TMOD3: variants seen among roughly 807,000 people sequenced by gnomAD.
TMOD3 encodes the protein tropomodulin-3.
In TMOD3, 20 loss-of-function variants were observed where a neutral mutation model predicts 39.2. The ratio of observed to expected loss-of-function variants is 0.51; its 90% CI spans 0.36 to 0.74. The LOEUF (loss-of-function observed/expected upper bound fraction) is 0.74. Ranked by LOEUF, TMOD3 falls within the 30% of genes least tolerant of loss-of-function variation. TMOD3 has a pLI of 0.00. For synonymous variants in TMOD3, 143 were observed against 145.8 expected, an observed-to-expected ratio of 0.98 and a Z score of 0.14; for missense variants, 381 against 412.8, an observed-to-expected ratio of 0.92 and a Z score of 0.67.
intron 3 of TMOD3, 30 bp from the exon 4 acceptor site, chr15:51,887,559 A>G (rs1022687808): frequency 1.2e-5 from 19 of 1,605,350 alleles, no homozygotes; most frequent in Non-Finnish European, 1.6e-5. Context: ...AGCAGTAGTA[A>G]TGGAATTAAC....
Position 51,893,858 on chromosome 15 carries a change from A to G in TMOD3, c.540A>G (p.Pro180=). The change falls in exon 6 of 10, where the codon CCA becomes CCG. Residue 180 remains proline, a synonymous_variant. Coordinates refer to ENST00000308580, the MANE Select transcript of TMOD3 (RefSeq NM_014547.5). ...GEKILPVFDE[P]PNPTNVEESL... ...AGATTCTTCCGGTATTTGATGAGCC[A>G]CCAAATCCAACCAATGTAGAAGAGA... The G allele has an allele frequency of 1.9e-6, 3 of 1,610,080 alleles. No individual in the cohort carries two copies. Among genetic ancestry groups the G allele is most frequent in the Non-Finnish European group, 2.5e-6 (3 of 1,177,514 alleles).
chr15:51,885,020 T>A (rs1214159795), intron 3 of TMOD3, among the ~76,000 whole-genome samples: 1 of 152,222 alleles, frequency 6.6e-6, no homozygotes, highest in East Asian at 1.9e-4. Flanking sequence ...TACACTTTAA[T>A]TAGATCCCCT....
intron 3 of TMOD3, among the ~76,000 whole-genome samples, chr15:51,883,196 A>C (rs1422626114): frequency 1.3e-5 from 2 of 152,324 alleles, no homozygotes; most frequent in East Asian, 3.9e-4. Context: ...GAAATCAAGC[A>C]AAATTCTATA....
chr15:51,861,325 C>G (rs1250017280), intron 1 of TMOD3: 2 of 247,920 alleles, frequency 8.1e-6, no homozygotes, highest in African/African-American at 4.5e-5. Flanking sequence ...ATGGGAGCTT[C>G]TCAACCGCGA....
At chr15:51,903,661 T>G (rs1250375188) in intron 9 of TMOD3, among the ~76,000 whole-genome samples, 3 of 152,230 alleles carry the variant, frequency 2.0e-5, no homozygotes, top group African/African-American at 7.2e-5. Context: ...GTCATGCTAA[T>G]TGTTTTAGTA....
intron 1 of TMOD3, chr15:51,860,990 C>A: frequency 1.7e-6 from 1 of 582,696 alleles, no homozygotes; most frequent in East Asian, 4.4e-5. Context: ...CGTCTTTCCT[C>A]TTTGCTGAGG....
intron 1 of TMOD3, chr15:51,860,367 A>G (rs2056411199): frequency 1.8e-6 from 1 of 543,094 alleles, no homozygotes; most frequent in Admixed American, 1.9e-5. Context: ...AGGATTCTCC[A>G]CATCCATGTT....
intron 2 of TMOD3, among the ~76,000 whole-genome samples, chr15:51,866,380 C>G (rs569372847): frequency 6.6e-6 from 1 of 152,038 alleles, no homozygotes; most frequent in Non-Finnish European, 1.5e-5. Flanking sequence ...ATTGCTTAAG[C>G]CCAGGAGTTC....
chr15:51,881,096 C>T (rs137987873), intron 3 of TMOD3, among the ~76,000 whole-genome samples: 7 of 152,100 alleles, frequency 4.6e-5, no homozygotes, highest in Non-Finnish European at 5.9e-5. Context: ...TTGTTAGACT[C>T]GTGTATATTT....
At chr15:51,908,612 G>GTT (rs543529390) in intron 9 of TMOD3, among the ~76,000 whole-genome samples, 164 bp from the exon 10 acceptor site, 19 of 120,858 alleles carry the variant, frequency 1.6e-4, no homozygotes, top group African/African-American at 1.8e-4. Context: ...GAAGTAGGTT[G>GTT]TTTTTTTTTT....
chr15:51,866,022 T>C (rs2056443879), intron 2 of TMOD3, among the ~76,000 whole-genome samples: 1 of 152,186 alleles, frequency 6.6e-6, no homozygotes, highest in Non-Finnish European at 1.5e-5. Context: ...TCATTTTTAG[T>C]GACAATCATA....
At chr15:51,842,976 A>T (rs1036049606) in intron 1 of TMOD3, among the ~76,000 whole-genome samples, 3 of 152,218 alleles carry the variant, frequency 2.0e-5, no homozygotes, top group Non-Finnish European at 2.9e-5. Flanking sequence ...GAAGGTGCAT[A>T]TAAATGCCTT....
At chr15:51,880,653 T>C (rs1277958118) in intron 3 of TMOD3, among the ~76,000 whole-genome samples, 1 of 152,230 alleles carries the variant, frequency 6.6e-6, no homozygotes, top group Non-Finnish European at 1.5e-5. Flanking sequence ...TTACAGTGTG[T>C]GTCAATACTT....
intron 1 of TMOD3, chr15:51,835,025 A>G (rs898528698): frequency 6.6e-6 from 1 of 152,210 alleles, no homozygotes; most frequent in Non-Finnish European, 1.5e-5. Flanking sequence ...ATCCAGGGCT[A>G]GTTACCATGT....
At chr15:51,877,047 A>T (rs1179855429) in intron 3 of TMOD3, among the ~76,000 whole-genome samples, 2 of 152,132 alleles carry the variant, frequency 1.3e-5, no homozygotes, top group African/African-American at 4.8e-5. Context: ...TTGGCATCAG[A>T]GCGAGACTCT....
chr15:51,830,068 C>G (rs2056246440), intron 1 of TMOD3, among the ~76,000 whole-genome samples: 2 of 152,080 alleles, frequency 1.3e-5, no homozygotes, highest in Admixed American at 6.5e-5. Flanking sequence ...TCTAGGCGCG[C>G]GAACCTGGCG....
chr15:51,854,633 A>G (rs2056379082), intron 1 of TMOD3, among the ~76,000 whole-genome samples: 1 of 152,238 alleles, frequency 6.6e-6, no homozygotes, highest in African/African-American at 2.4e-5. Context: ...AGAGTAGAAC[A>G]TTGGCTTCTC....
chr15:51,843,140 G>A (rs1454790726), intron 1 of TMOD3, among the ~76,000 whole-genome samples: 1 of 152,224 alleles, frequency 6.6e-6, no homozygotes, highest in Non-Finnish European at 1.5e-5. Context: ...AGTAGTCAGA[G>A]TTGGAAGAGC....
rs1285067417 is a variant in TMOD3, at chr15:51,909,095, A to G, written c.*285A>G. The G allele has an allele frequency of 1.1e-5, 3 of 281,998 alleles. No individual in the cohort carries two copies. The highest frequency in any genetic ancestry group is 6.5e-5 in the East Asian group (1 of 15,478). The allele number at this position is 281,998 out of a possible 1,614,324, so 17.5% of individuals were successfully genotyped here. Reference sequence around the variant, plus strand: ...ACAACTGTAAAAAATTTCACAGGTCATTTGTGTAGAATAATTTGAACATTG... The same window carrying G: ...ACAACTGTAAAAAATTTCACAGGTCGTTTGTGTAGAATAATTTGAACATTG... On this transcript the variant is annotated 3_prime_UTR_variant, in exon 10 of 10. Coordinates refer to ENST00000308580, the MANE Select transcript of TMOD3 (RefSeq NM_014547.5).
Sources: gnomAD v4.1 joint callset for allele counts (sites outside exome capture counted in the v4.1 genomes callset) on GRCh38, gnomAD v4.1.1 for gene constraint, MANE v1.5 for transcripts, NCBI Gene and HGNC (gene_info 2026-07-23, HGNC 2026-07-21) for gene names.